NKD2: variants seen among roughly 807,000 people sequenced by gnomAD.
The protein encoded by NKD2 is NKD inhibitor of Wnt signaling pathway 2, also known as protein naked cuticle homolog 2.
NKD2 carries 43 observed loss-of-function variants against 34.8 expected under a neutral mutation model. The ratio of observed to expected loss-of-function variants is 1.24; its 90% CI spans 0.97 to 1.60. The LOEUF (loss-of-function observed/expected upper bound fraction) is 1.60. Ranked by LOEUF, NKD2 falls within the 40% of genes most tolerant of loss-of-function variation. NKD2 has a pLI of 0.00. For synonymous variants in NKD2, 278 were observed against 265.1 expected (o/e 1.05, Z -0.47); for missense variants, 675 against 627.1 (o/e 1.08, Z -0.82).
chr5:1,018,138 G>A (rs1171266572), intron 3 of NKD2, among the ~76,000 whole-genome samples: 1 of 152,176 alleles, frequency 6.6e-6, no homozygotes, highest in Non-Finnish European at 1.5e-5. Flanking sequence ...AAGAAGAATG[G>A]CGGCCCCCAC....
chr5:1,018,091 C>T (rs1478209135), intron 3 of NKD2, among the ~76,000 whole-genome samples: 4 of 152,074 alleles, frequency 2.6e-5, no homozygotes, highest in Non-Finnish European at 4.4e-5. Flanking sequence ...GAGGACGGGA[C>T]GGTAGCAGGC....
At chr5:1,021,845 A>G (rs530038038) in intron 3 of NKD2, among the ~76,000 whole-genome samples, 31 of 152,180 alleles carry the variant, frequency 2.0e-4, no homozygotes, top group African/African-American at 4.8e-4. Flanking sequence ...CAGCAGGGAT[A>G]AGGCGGATGG....
chr5:1,032,302 C>T, intron 4 of NKD2, 90 bp downstream of exon 4: 1 of 1,014,396 alleles, frequency 9.9e-7, no homozygotes, highest in African/African-American at 1.6e-5. Flanking sequence ...TAAAACAACC[C>T]CGTGTGCGGA....
Position 1,009,609 on chromosome 5 carries a change from G to A in NKD2, c.141+49G>A. The stretch of plus-strand genomic sequence containing the variant: ...GGTCGCGCTGCGCACCCGCCCGGGG[G>A]CGGGGAGCGGTGTCAGAGCTGTTCC... On this transcript the variant is annotated intron_variant, in intron 3 of 9. Coordinates refer to ENST00000296849, the MANE Select transcript of NKD2 (RefSeq NM_033120.4). The surrounding 1 kb of genome is among the most constrained non-coding windows in gnomAD (Gnocchi z 6.9). The A allele has an allele frequency of 2.2e-6, 3 of 1,373,492 alleles. No individual in the cohort carries two copies. The highest frequency in any genetic ancestry group is 1.5e-5 in the African/African-American group (1 of 64,974). The allele number at this position is 1,373,492 out of a possible 1,614,324, so 85.1% of individuals were successfully genotyped here. A position where few individuals can be genotyped will look rare whatever the true frequency, so the allele number is the denominator to read the frequency against.
chr5:1,038,539 C>T lies in NKD2; in HGVS notation c.*166C>T. 7.1e-7 allele frequency: 1 copy of T among 1,405,530 alleles called. No homozygotes were observed. The highest frequency in any genetic ancestry group is 9.7e-7 in the Non-Finnish European group (1 of 1,030,250). The allele number at this position is 1,405,530 out of a possible 1,614,324, so 87.1% of individuals were successfully genotyped here. On this transcript the variant is annotated 3_prime_UTR_variant, in exon 10 of 10. Coordinates refer to ENST00000296849, the MANE Select transcript of NKD2 (RefSeq NM_033120.4). The surrounding 1 kb of genome is among the most constrained non-coding windows in gnomAD (Gnocchi z 4.5). ...AGGTGCTGGCATGATGGAGGTGGTG[C>T]ACCTTGGACACGTGGACAAGGCCCA... is the stretch of plus-strand genomic sequence containing the variant.
At chr5:1,021,932 C>T (rs1052825283) in intron 3 of NKD2, among the ~76,000 whole-genome samples, 2 of 152,192 alleles carry the variant, frequency 1.3e-5, no homozygotes, top group African/African-American at 4.8e-5. Flanking sequence ...CCTGCTGCTC[C>T]GGGCCCCTCC....
rs1486881661 is a variant in NKD2 at position 1,035,310 on chromosome 5, GTTAATGAA to G, written c.575-77_575-70del. On this transcript the variant is annotated intron_variant, in intron 7 of 9. Coordinates refer to ENST00000296849, the MANE Select transcript of NKD2 (RefSeq NM_033120.4). ...AATGAATGAATGAATGAGTGAGTGA[GTTAATGAA>G]TGAGTGAATGAATGAGTGAATGCTG... 6.3e-4 allele frequency: 706 copies of G among 1,114,800 alleles called. 1 individual carries two copies. The highest frequency in any genetic ancestry group is 8.0e-4 in the Non-Finnish European group (608 of 755,638). The allele number at this position is 1,114,800 out of a possible 1,614,324, so 69.1% of individuals were successfully genotyped here.
intron 3 of NKD2, among the ~76,000 whole-genome samples, chr5:1,021,524 C>A (rs1023209221): frequency 2.0e-5 from 3 of 151,508 alleles, no homozygotes; most frequent in Non-Finnish European, 2.9e-5. Flanking sequence ...GGAACTGGCG[C>A]ACAGTGTTGC....
chr5:1,034,265 G>A lies in NKD2; in HGVS notation c.361G>A (p.Asp121Asn). 1 of 1,612,510 alleles carries A rather than the reference G, an allele frequency of 6.2e-7. No homozygotes were observed. Among genetic ancestry groups the A allele is most frequent in the Non-Finnish European group, 8.5e-7 (1 of 1,179,860 alleles). Reference protein sequence around the residue: ...ALQCDVSVEEDDRQEWTFTLY... With the variant: ...ALQCDVSVEENDRQEWTFTLY... ...CCAGTGCGATGTCTCGGTGGAGGAG[G>A]ACGACCGCCAGGAGTGGACGTTCAC... Residue 121 changes from aspartate (D) to asparagine (N), a missense_variant, in exon 6 of 10, where the codon GAC becomes AAC. Physicochemically the swap from Asp to Asn is conservative, Grantham distance 23. Transcript: ENST00000296849.
chr5:1,037,323 G>A (rs573530095), intron 9 of NKD2, among the ~76,000 whole-genome samples: 2 of 152,258 alleles, frequency 1.3e-5, no homozygotes, highest in African/African-American at 4.8e-5. Flanking sequence ...GGGGCTCAGT[G>A]CGCTGTGTGC....
Position 1,009,162 on chromosome 5 carries a change from G to A in NKD2, c.26-17G>A. The A allele has an allele frequency of 1.8e-6, 1 of 559,324 alleles. No homozygotes were observed. Among genetic ancestry groups the A allele is most frequent in the South Asian group, 2.1e-5 (1 of 47,270 alleles). The allele number at this position is 559,324 out of a possible 1,614,324, so 34.6% of individuals were successfully genotyped here. ...CTCACTGTCGTTTTCCTCTCCCCGC[G>A]TCCCGCCGTGCCGCAGCCGCCGCCG... On this transcript the variant is annotated splice_polypyrimidine_tract_variant and intron_variant, in intron 1 of 9. Transcript: ENST00000296849. The surrounding 1 kb of genome is among the most constrained non-coding windows in gnomAD (Gnocchi z 6.9).
At chr5:1,027,478 T>TGTCTCTCTCCTCCCTCCCC (rs1756466289) in intron 3 of NKD2, among the ~76,000 whole-genome samples, 1 of 152,182 alleles carries the variant, frequency 6.6e-6, no homozygotes, top group Admixed American at 6.5e-5. Context: ...CCTTCCTCTC[T>TGTCTCTCTCCTCCCTCCCC]GTCTCTCTCC....
intron 3 of NKD2, among the ~76,000 whole-genome samples, chr5:1,024,031 C>T (rs377348999): frequency 2.9e-4 from 2 of 6,864 alleles, no homozygotes; most frequent in African/African-American, 3.5e-4. Flanking sequence ...TGTGGGCGTC[C>T]CAGCCCGTTG....
At chr5:1,035,339 T>C in intron 7 of NKD2, 50 bp from the exon 8 acceptor site, 2 of 1,387,468 alleles carry the variant, frequency 1.4e-6, no homozygotes, top group South Asian at 1.2e-5. Flanking sequence ...AATGAGTGAA[T>C]GCTGAATGAA....
chr5:1,022,955 T>TA (rs764837705), intron 3 of NKD2, among the ~76,000 whole-genome samples: 8 of 11,586 alleles, frequency 6.9e-4, no homozygotes, highest in Non-Finnish European at 9.4e-3. Flanking sequence ...TCCCACCTGC[T>TA]GTGGGCGTCT....
intron 3 of NKD2, among the ~76,000 whole-genome samples, chr5:1,015,941 C>T (rs1467554436): frequency 6.6e-6 from 1 of 152,238 alleles, no homozygotes; most frequent in African/African-American, 2.4e-5. Context: ...CTTTCAGTCT[C>T]TGCCACCTTC....
At chr5:1,032,111 A>T (rs775385521) in intron 3 of NKD2, 41 bp from the exon 4 acceptor site, 4 of 1,558,582 alleles carry the variant, frequency 2.6e-6, no homozygotes, top group Non-Finnish European at 2.7e-6. Flanking sequence ...CCGCCTGCCC[A>T]CTGAGCTATG....
intron 3 of NKD2, among the ~76,000 whole-genome samples, chr5:1,017,731 C>T (rs57908782): frequency 0.076 from 11,620 of 152,232 alleles, 717 homozygotes; most frequent in East Asian, 0.16. Flanking sequence ...CTGGGAGAAC[C>T]GGACAGTGGC....
In NKD2 at chr5:1,009,269, T is replaced by G. The variant is rs1432727070; in HGVS notation, c.61+55T>G. On this transcript the variant is annotated intron_variant, in intron 2 of 9. Transcript: ENST00000296849. The surrounding 1 kb of genome is among the most constrained non-coding windows in gnomAD (Gnocchi z 6.9). The stretch of plus-strand genomic sequence containing the variant: ...GGGGCGGCGACCCGGCCCGGGACCC[T>G]CAGAGCTAGGAGCCCGCGCGCGTCC... 2.1e-6 allele frequency: 1 copy of G among 484,412 alleles called. No homozygotes were observed. The highest frequency in any genetic ancestry group is 3.6e-6 in the Non-Finnish European group (1 of 279,646). The allele number at this position is 484,412 out of a possible 1,614,324, so 30.0% of individuals were successfully genotyped here.
Sources: gnomAD v4.1 joint callset for allele counts (sites outside exome capture counted in the v4.1 genomes callset) on GRCh38, gnomAD v4.1.1 for gene constraint, Gnocchi (gnomAD v3.1) non-coding constraint, MANE v1.5 for transcripts, NCBI Gene and HGNC (gene_info 2026-07-23, HGNC 2026-07-21) for gene names.